Variants in SLC8A3 observed in about 807,000 individuals in gnomAD.
SLC8A3 encodes the protein sodium/calcium exchanger 3.
A neutral mutation model predicts 65.4 loss-of-function variants in SLC8A3; 37 were observed. The ratio of observed to expected loss-of-function variants is 0.57; its 90% CI spans 0.44 to 0.74. SLC8A3 has a LOEUF of 0.74. Ranked by LOEUF, SLC8A3 falls within the 30% of genes least tolerant of loss-of-function variation. The probability of loss-of-function intolerance (pLI) is 0.00; values close to 1 mark genes in which losing one functional copy is unlikely to be tolerated. For missense variants in SLC8A3, 1,112 were observed against 1,172.1 expected (o/e 0.95, Z 0.75); for synonymous variants, 461 against 444.5 (o/e 1.04, Z -0.47).
In SLC8A3 at chr14:70,046,426, C is replaced by G. The variant is rs1453947231; in HGVS notation, c.2390-103G>C. 2 of 1,243,396 alleles carry G rather than the reference C, an allele frequency of 1.6e-6. No individual in the cohort carries two copies. 77.0% of individuals were successfully genotyped at this position (1,243,396 alleles called of 1,614,324 possible). ...GCAGCTTGAGCTGGTGGGCTGAACC[C>G]AGGAATGAGAGACAAGGGCTAGGGG... On this transcript the variant is annotated intron_variant, in intron 6 of 6. Coordinates refer to ENST00000356921, the MANE Select transcript of SLC8A3 (RefSeq NM_182932.3). The surrounding 1 kb of genome is among the most constrained non-coding windows in gnomAD (Gnocchi z 4.2).
chr14:70,086,165 C>T (rs1393561695), intron 2 of SLC8A3, among the ~76,000 whole-genome samples: 1 of 152,104 alleles, frequency 6.6e-6, no homozygotes, highest in Non-Finnish European at 1.5e-5. Context: ...GCTTTCAACA[C>T]ATCTCATTTA....
intron 2 of SLC8A3, among the ~76,000 whole-genome samples, chr14:70,119,851 T>C (rs546791381): frequency 6.6e-6 from 1 of 152,362 alleles, no homozygotes; most frequent in East Asian, 1.9e-4. Context: ...AATTGCTAGT[T>C]ACATGTGTTG....
rs1485451663 is a variant in SLC8A3 at position 70,060,932 on chromosome 14, T to G, written c.1792A>C (p.Ile598Leu). ...EFKNDETVKT[I>L]RVKIVDEEEY... ...TCCTCATCTACTATTTTAACCCTTATGGTTTTCCTGTAGGGACAACAAGAG... is the reference window on the plus strand; with the variant it reads ...TCCTCATCTACTATTTTAACCCTTAGGGTTTTCCTGTAGGGACAACAAGAG... The change falls in exon 3 of 7, where the codon ATA becomes CTA. Residue 598 changes from isoleucine (I) to leucine (L), a missense_variant. By Grantham distance (5) the Ile-to-Leu change is conservative. Transcript: ENST00000356921. 4 of 1,458,604 alleles carry G rather than the reference T, an allele frequency of 2.7e-6. No homozygotes were observed. Among genetic ancestry groups the G allele is most frequent in the Non-Finnish European group, 3.7e-6 (4 of 1,081,536 alleles). The allele number at this position is 1,458,604 out of a possible 1,614,324, so 90.4% of individuals were successfully genotyped here.
chr14:70,149,971 T>C (rs1896161128), intron 2 of SLC8A3, among the ~76,000 whole-genome samples: 1 of 152,192 alleles, frequency 6.6e-6, no homozygotes, highest in Admixed American at 6.5e-5. Context: ...GACATTTCCC[T>C]CTACCTTCCT....
intron 3 of SLC8A3, among the ~76,000 whole-genome samples, chr14:70,054,326 A>G (rs1887837559): frequency 6.6e-6 from 1 of 152,224 alleles, no homozygotes; most frequent in South Asian, 2.1e-4. Flanking sequence ...AATTAAAACC[A>G]GTATTTGAGA....
chr14:70,157,508 A>G (rs1291840720), intron 2 of SLC8A3, among the ~76,000 whole-genome samples: 2 of 152,230 alleles, frequency 1.3e-5, no homozygotes, highest in African/African-American at 4.8e-5. Flanking sequence ...AACTAGAAGA[A>G]TAGAAAGAGC....
intron 2 of SLC8A3, among the ~76,000 whole-genome samples, chr14:70,126,532 A>G (rs1566796512): frequency 7.0e-6 from 1 of 143,860 alleles, no homozygotes; most frequent in Non-Finnish European, 1.5e-5. Flanking sequence ...TTAGAATATA[A>G]AGGAAGAAAG....
chr14:70,106,310 G>C (rs1452369105), intron 2 of SLC8A3, among the ~76,000 whole-genome samples: 1 of 152,052 alleles, frequency 6.6e-6, no homozygotes, highest in Non-Finnish European at 1.5e-5. Context: ...ACCCCTTTGT[G>C]CTAATATTCT....
intron 3 of SLC8A3, among the ~76,000 whole-genome samples, chr14:70,053,132 C>T (rs985260403): frequency 1.3e-5 from 2 of 152,178 alleles, no homozygotes; most frequent in South Asian, 4.1e-4. Context: ...CGCTGTTTTG[C>T]TCAGTGTTCG....
rs1267713817 is a variant in SLC8A3, at chr14:70,171,236, G to A, written c.-62-2752C>T. On this transcript the variant is annotated intron_variant, in intron 1 of 6. Transcript: ENST00000356921. ...CAATCCCAAGAGGGTGAGTATCCAT[G>A]GGGGAGAGAAGAGAGCCGGTCTTCC... Among the ~76,000 whole-genome samples, 17 of 152,304 alleles carry A rather than the reference G, an allele frequency of 1.1e-4. No individual in the cohort carries two copies. In the East Asian group the frequency reaches 2.7e-3, roughly 24 times the overall value.
chr14:70,133,933 A>G (rs924367046), intron 2 of SLC8A3, among the ~76,000 whole-genome samples: 34 of 152,084 alleles, frequency 2.2e-4, no homozygotes, highest in African/African-American at 8.0e-4. Context: ...CTCTCACCCT[A>G]TTCCCCATCC....
intron 2 of SLC8A3, among the ~76,000 whole-genome samples, chr14:70,112,938 C>T (rs1217984894): frequency 7.5e-6 from 1 of 133,806 alleles, no homozygotes; most frequent in Non-Finnish European, 1.6e-5. Context: ...ATTTAGGGCC[C>T]ACTTTACTCT....
intron 2 of SLC8A3, among the ~76,000 whole-genome samples, chr14:70,165,950 C>T (rs922081548): frequency 1.4e-4 from 21 of 152,238 alleles, no homozygotes; most frequent in African/African-American, 4.8e-4. Context: ...AGCCACTGCC[C>T]TGGGAGCTCT....
intron 2 of SLC8A3, among the ~76,000 whole-genome samples, chr14:70,134,585 G>A (rs1049977441): frequency 1.3e-5 from 2 of 152,174 alleles, no homozygotes; most frequent in African/African-American, 2.4e-5. Context: ...TGCAAAAGAT[G>A]TCTAATCTCC....
At chr14:70,116,956 A>G (rs574040258) in intron 2 of SLC8A3, among the ~76,000 whole-genome samples, 10 of 152,242 alleles carry the variant, frequency 6.6e-5, no homozygotes, top group African/African-American at 2.4e-4. Flanking sequence ...TGAATAAGCC[A>G]ATCTGGTTTG....
intron 3 of SLC8A3, among the ~76,000 whole-genome samples, chr14:70,054,041 G>A (rs1887796626): frequency 6.6e-6 from 1 of 152,182 alleles, no homozygotes; most frequent in Non-Finnish European, 1.5e-5. Flanking sequence ...TAAATGGCAG[G>A]TGATCTAGAT....
At chr14:70,067,996 C>A (rs1175508532) in intron 2 of SLC8A3, among the ~76,000 whole-genome samples, 3 of 152,196 alleles carry the variant, frequency 2.0e-5, no homozygotes, top group Non-Finnish European at 4.4e-5. Flanking sequence ...AAGGGAGGTG[C>A]CAATGCACAC....
intron 2 of SLC8A3, among the ~76,000 whole-genome samples, chr14:70,131,035 C>A (rs1894793945): frequency 6.6e-6 from 1 of 152,148 alleles, no homozygotes; most frequent in African/African-American, 2.4e-5. Context: ...AAGGACAGGA[C>A]CCTCAGGAGC....
At chr14:70,150,354 G>A (rs1271558654) in intron 2 of SLC8A3, among the ~76,000 whole-genome samples, 1 of 152,176 alleles carries the variant, frequency 6.6e-6, no homozygotes, top group Non-Finnish European at 1.5e-5. Context: ...AAATCAGCCT[G>A]TCTGATAACA....
Sources: gnomAD v4.1 joint callset for allele counts (sites outside exome capture counted in the v4.1 genomes callset) on GRCh38, gnomAD v4.1.1 for gene constraint, Gnocchi (gnomAD v3.1) non-coding constraint, MANE v1.5 for transcripts, NCBI Gene and HGNC (gene_info 2026-07-23, HGNC 2026-07-21) for gene names.